Variants in ZFYVE28 observed in about 807,000 individuals in gnomAD.
ZFYVE28 encodes the protein zinc finger FYVE-type containing 28.
ZFYVE28 carries 40 observed loss-of-function variants against 82.1 expected under a neutral mutation model. The observed-to-expected ratio is 0.49, with a 90% CI of 0.38 to 0.63. ZFYVE28 has a LOEUF of 0.63. Ranked by LOEUF, ZFYVE28 falls within the 30% of genes least tolerant of loss-of-function variation. ZFYVE28 has a pLI of 0.00. For missense variants in ZFYVE28, 1,321 were observed against 1,242.1 expected, an observed-to-expected ratio of 1.06 and a Z score of -0.96; for synonymous variants, 612 against 546.1, an observed-to-expected ratio of 1.12 and a Z score of -1.68.
chr4:2,393,091 C>T (rs1003398301), intron 1 of ZFYVE28, among the ~76,000 whole-genome samples: 1 of 152,226 alleles, frequency 6.6e-6, no homozygotes, highest in East Asian at 1.9e-4. Flanking sequence ...CCTTTGAGGA[C>T]GCTGTCATAT....
chr4:2,270,871 G>A lies in ZFYVE28; in HGVS notation c.2533-15C>T, dbSNP rs765446545. On this transcript the variant is annotated splice_polypyrimidine_tract_variant and intron_variant, in intron 12 of 12. Coordinates refer to ENST00000290974, the MANE Select transcript of ZFYVE28 (RefSeq NM_020972.3). The stretch of plus-strand genomic sequence containing the variant: ...GAGCAGAAGATCTGGAATGGGGTTG[G>A]GGCAGTGAGGGTCTGCGGCAGACCA... 1.6e-5 allele frequency: 26 copies of A among 1,611,662 alleles called. No homozygotes were observed. The Admixed American group carries it at 4.3e-4, about 27-fold the overall frequency.
chr4:2,388,592 A>T (rs1729512379), intron 1 of ZFYVE28, among the ~76,000 whole-genome samples: 1 of 152,166 alleles, frequency 6.6e-6, no homozygotes, highest in Non-Finnish European at 1.5e-5. Flanking sequence ...ATTTAGAGAA[A>T]GGCTTTCAGA....
At chr4:2,414,514 C>A (rs545964095) in intron 1 of ZFYVE28, among the ~76,000 whole-genome samples, 1 of 152,332 alleles carries the variant, frequency 6.6e-6, no homozygotes, top group East Asian at 1.9e-4. Context: ...ATAGCCCCCA[C>A]TCTGAAAACG....
chr4:2,313,441 A>G (rs1489327678), intron 7 of ZFYVE28, among the ~76,000 whole-genome samples: 1 of 152,046 alleles, frequency 6.6e-6, no homozygotes, highest in Non-Finnish European at 1.5e-5. Flanking sequence ...CATTTTTTGT[A>G]GAGACAGTGT....
At chr4:2,358,591 G>A (rs1725675298) in intron 1 of ZFYVE28, among the ~76,000 whole-genome samples, 1 of 152,196 alleles carries the variant, frequency 6.6e-6, no homozygotes, top group Admixed American at 6.5e-5. Context: ...CCTCTGAATG[G>A]TCTCCCATGG....
At chr4:2,384,091 G>A (rs147065255) in intron 1 of ZFYVE28, among the ~76,000 whole-genome samples, 266 of 152,246 alleles carry the variant, frequency 1.7e-3, no homozygotes, top group African/African-American at 6.3e-3. Flanking sequence ...GTGATTTTTG[G>A]ACTGGGGTAC....
chr4:2,319,678 G>A, intron 7 of ZFYVE28, among the ~76,000 whole-genome samples: 1 of 152,222 alleles, frequency 6.6e-6, no homozygotes, highest in Non-Finnish European at 1.5e-5. Context: ...TGGCCCATAT[G>A]AAGGAAAGGC....
At chr4:2,378,011 C>T (rs947951262) in intron 1 of ZFYVE28, among the ~76,000 whole-genome samples, 2 of 152,198 alleles carry the variant, frequency 1.3e-5, no homozygotes, top group Non-Finnish European at 2.9e-5. Context: ...GGGAAGTATT[C>T]GTGTACCTAA....
chr4:2,368,211 CAAA>C lies in ZFYVE28; in HGVS notation c.40-14141_40-14139del, dbSNP rs34092714. On this transcript the variant is annotated intron_variant, in intron 1 of 12. Transcript: ENST00000290974. ...TGGGCAACAAAGCAACACATCTCTA[CAAA>C]AAAAAAAAAAAAAAAACACTGTATC... 2.1e-3 allele frequency among the ~76,000 whole-genome samples: 182 copies of C among 86,186 alleles called. 1 individual carries two copies. The highest frequency in any genetic ancestry group is 6.5e-3 in the African/African-American group (149 of 22,764). 56.5% of individuals were successfully genotyped at this position (86,186 alleles called of 152,430 possible).
chr4:2,290,075 A>G (rs1431201830), intron 8 of ZFYVE28, among the ~76,000 whole-genome samples: 1 of 152,182 alleles, frequency 6.6e-6, no homozygotes, highest in Non-Finnish European at 1.5e-5. Flanking sequence ...GGCCTCAGCC[A>G]GCAGCGTGAT....
intron 7 of ZFYVE28, among the ~76,000 whole-genome samples, chr4:2,307,687 TCTCA>T (rs1716796540): frequency 6.6e-6 from 1 of 152,212 alleles, no homozygotes; most frequent in Admixed American, 6.5e-5. Flanking sequence ...AGAGACAGGG[TCTCA>T]CTATGTTGCC....
rs1258522277 is a variant in ZFYVE28, at chr4:2,372,448, G to C, written c.40-18375C>G. On this transcript the variant is annotated intron_variant, in intron 1 of 12. Coordinates refer to ENST00000290974, the MANE Select transcript of ZFYVE28 (RefSeq NM_020972.3). The surrounding 1 kb of genome is among the most constrained non-coding windows in gnomAD (Gnocchi z 5.2). The stretch of plus-strand genomic sequence containing the variant: ...TCCAGTGCTGGGTCTTTGGCCTCAA[G>C]GTTCACCCAACACCTGACTCACCCG... 3.6e-5 allele frequency among the ~76,000 whole-genome samples: 5 copies of C among 137,870 alleles called. No individual in the cohort carries two copies. In the East Asian group the frequency reaches 1.1e-3, roughly 31 times the overall value. The allele number at this position is 137,870 out of a possible 152,430, so 90.4% of individuals were successfully genotyped here.
In ZFYVE28 at chr4:2,418,388, G is replaced by T; in HGVS notation, c.-65C>A. The T allele has an allele frequency of 2.5e-6, 3 of 1,201,744 alleles. No individual in the cohort carries two copies. The highest frequency in any genetic ancestry group is 3.9e-5 in the East Asian group (1 of 25,330). 74.4% of individuals were successfully genotyped at this position (1,201,744 alleles called of 1,614,324 possible). On this transcript the variant is annotated 5_prime_UTR_variant, in exon 1 of 13. Coordinates refer to ENST00000290974, the MANE Select transcript of ZFYVE28 (RefSeq NM_020972.3). This position sits in a 1 kb window ranked among gnomAD's most constrained non-coding sequence, Gnocchi z 4.6. Reference sequence around the variant, plus strand: ...CCTCCGCAGCGCTGCGCCCGGGCCCGGCTGAGGCGCGGGGCGGACGCGGAG... The same window carrying T: ...CCTCCGCAGCGCTGCGCCCGGGCCCTGCTGAGGCGCGGGGCGGACGCGGAG...
At chr4:2,389,071 G>A (rs1729561184) in intron 1 of ZFYVE28, among the ~76,000 whole-genome samples, 1 of 152,054 alleles carries the variant, frequency 6.6e-6, no homozygotes, top group Admixed American at 6.5e-5. Flanking sequence ...CCTCCTCTGG[G>A]ACCCCAGATT....
At position 2,304,722 on chromosome 4, in the gene ZFYVE28, G is replaced by A. The variant is rs771123470; in HGVS notation, c.1618C>T (p.Pro540Ser). 9 of 1,612,706 alleles carry A rather than the reference G, an allele frequency of 5.6e-6. No homozygotes were observed. The highest frequency in any genetic ancestry group is 1.1e-5 in the South Asian group (1 of 91,080). Reference protein sequence around the residue: ...AVATQEAASEPVAEGMDGGPH... With the variant: ...AVATQEAASESVAEGMDGGPH... Reference sequence around the variant, plus strand: ...CCGCCATCCATCCCCTCGGCCACGGGCTCCGAGGCGGCCTCCTGGGTGGCG... The same window carrying A: ...CCGCCATCCATCCCCTCGGCCACGGACTCCGAGGCGGCCTCCTGGGTGGCG... Residue 540 changes from proline (P) to serine (S), a missense_variant, in exon 8 of 13, where the codon CCC becomes TCC. Pro to Ser is a moderately conservative substitution (Grantham distance 74). This residue lies in a region of ZFYVE28 where 978 missense variants were observed against 833.7 expected (regional missense o/e 1.17). Transcript: ENST00000290974.
At chr4:2,308,055 A>C (rs1246040932) in intron 7 of ZFYVE28, among the ~76,000 whole-genome samples, 2 of 152,230 alleles carry the variant, frequency 1.3e-5, no homozygotes, top group Non-Finnish European at 2.9e-5. Context: ...TCTCAAGTCC[A>C]TCCTTGTACC....
chr4:2,371,488 C>A (rs545253222), intron 1 of ZFYVE28, among the ~76,000 whole-genome samples: 1 of 152,078 alleles, frequency 6.6e-6, no homozygotes, highest in South Asian at 2.1e-4. Context: ...CCAGTGAGAG[C>A]CTGTACTTTA....
chr4:2,406,289 T>C (rs1014452632), intron 1 of ZFYVE28, among the ~76,000 whole-genome samples: 2 of 147,500 alleles, frequency 1.4e-5, no homozygotes, highest in African/African-American at 4.9e-5. Flanking sequence ...GGAGAATCAC[T>C]TGAACCCAGG....
In ZFYVE28 at chr4:2,379,666, A is replaced by G. The variant is rs557269953; in HGVS notation, c.40-25593T>C. Among the ~76,000 whole-genome samples, 6 of 152,264 alleles carry G rather than the reference A, an allele frequency of 3.9e-5. No homozygotes were observed. In the East Asian group the frequency reaches 1.2e-3, roughly 29 times the overall value. On this transcript the variant is annotated intron_variant, in intron 1 of 12. Coordinates refer to ENST00000290974, the MANE Select transcript of ZFYVE28 (RefSeq NM_020972.3). ...CACCCCACCTCCCTCCTGTAATTTTATCCTCATGGGATACATTTCTATGCT... is the reference window on the plus strand; with the variant it reads ...CACCCCACCTCCCTCCTGTAATTTTGTCCTCATGGGATACATTTCTATGCT...
Sources: gnomAD v4.1 joint callset for allele counts (sites outside exome capture counted in the v4.1 genomes callset) on GRCh38, gnomAD v4.1.1 for gene constraint, gnomAD v4.1.1 regional missense constraint, Gnocchi (gnomAD v3.1) non-coding constraint, MANE v1.5 for transcripts, NCBI Gene and HGNC (gene_info 2026-07-23, HGNC 2026-07-21) for gene names.